The following THEMIS variants were observed in gnomAD, a reference collection of about 807,000 sequenced individuals.
THEMIS encodes protein THEMIS.
In THEMIS, 37 loss-of-function variants were observed where a neutral mutation model predicts 52.6. The observed-to-expected ratio is 0.70, with a 90% CI of 0.54 to 0.93. THEMIS has a LOEUF of 0.93. THEMIS is among the 40% of genes least tolerant of loss of function. THEMIS has a pLI of 0.00. For synonymous variants in THEMIS, 292 were observed against 272.7 expected (o/e 1.07, Z -0.70); for missense variants, 808 against 763.1 (o/e 1.06, Z -0.69).
chr6:127,721,896 G>C (rs1321103285), intron 4 of THEMIS, among the ~76,000 whole-genome samples: 1 of 151,956 alleles, frequency 6.6e-6, no homozygotes, highest in Non-Finnish European at 1.5e-5. Flanking sequence ...AAATTCAATT[G>C]AAAATATTAA....
Position 127,813,362 on chromosome 6 carries a change from G to A in THEMIS, c.1279C>T (p.Pro427Ser), listed in dbSNP as rs1777995993. 4 of 1,613,878 alleles carry A rather than the reference G, an allele frequency of 2.5e-6. No homozygotes were observed. The highest frequency in any genetic ancestry group is 1.7e-5 in the Admixed American group (1 of 59,960). ...ACAAAACCTCCTTCCATGTACAAAG[G>A]GAGCAGCGCAGCCTCATAGGACTTT... ...LKKSYEAALL[P>S]LYMEGGFVEV... The change falls in exon 4 of 6, where the codon CCT (proline) becomes TCT (serine). Residue 427 changes from proline (P) to serine (S), a missense_variant. Physicochemically the swap from Pro to Ser is moderately conservative, Grantham distance 74. Coordinates refer to ENST00000368248, the MANE Select transcript of THEMIS (RefSeq NM_001010923.3).
intron 1 of THEMIS, among the ~76,000 whole-genome samples, chr6:127,899,215 T>C (rs1385506391): frequency 6.6e-6 from 1 of 151,878 alleles, no homozygotes; most frequent in Non-Finnish European, 1.5e-5. Flanking sequence ...TATCAAAATA[T>C]CACATGTATC....
intron 4 of THEMIS, among the ~76,000 whole-genome samples, chr6:127,772,812 G>A (rs577234245): frequency 6.6e-6 from 1 of 152,136 alleles, no homozygotes; most frequent in Non-Finnish European, 1.5e-5. Flanking sequence ...AGAAATTCTG[G>A]TGGATAATTT....
chr6:127,787,296 A>ACC (rs935594776), intron 4 of THEMIS, among the ~76,000 whole-genome samples: 8 of 152,014 alleles, frequency 5.3e-5, no homozygotes, highest in Non-Finnish European at 1.0e-4. Flanking sequence ...ACACACACAC[A>ACC]AACACATGCA....
chr6:127,738,438 T>C (rs777809871), intron 4 of THEMIS, among the ~76,000 whole-genome samples: 2 of 152,180 alleles, frequency 1.3e-5, no homozygotes, highest in Non-Finnish European at 2.9e-5. Context: ...GAAAGTTCTA[T>C]CTTATTACAA....
intron 4 of THEMIS, among the ~76,000 whole-genome samples, chr6:127,808,591 A>G (rs1777796961): frequency 6.6e-6 from 1 of 152,224 alleles, no homozygotes; most frequent in South Asian, 2.1e-4. Context: ...TTTAGATTCC[A>G]TACATTATCC....
At chr6:127,764,698 T>C (rs1776134688) in intron 4 of THEMIS, among the ~76,000 whole-genome samples, 1 of 152,082 alleles carries the variant, frequency 6.6e-6, no homozygotes. Flanking sequence ...TTGGGTATTG[T>C]CCTCCCATTC....
intron 4 of THEMIS, among the ~76,000 whole-genome samples, chr6:127,788,901 G>C (rs1777065978): frequency 6.6e-6 from 1 of 152,098 alleles, no homozygotes. Context: ...GAAATTTATA[G>C]GACTAAATGC....
chr6:127,785,732 T>C (rs1353246417), intron 4 of THEMIS, among the ~76,000 whole-genome samples: 1 of 151,938 alleles, frequency 6.6e-6, no homozygotes, highest in African/African-American at 2.4e-5. Flanking sequence ...CAAAAAAACC[T>C]AAGAATATCT....
chr6:127,730,318 G>GAAAAGAAA (rs1456074763), intron 4 of THEMIS, among the ~76,000 whole-genome samples: 2 of 116,958 alleles, frequency 1.7e-5, no homozygotes, highest in Admixed American at 9.2e-5. Context: ...AAAGAAAAGA[G>GAAAAGAAA]AAAAAAAGAA....
Position 127,832,777 on chromosome 6 carries a change from C to CTTTTTTTTTTTTTTTTTTTTTTTTTTTTT in THEMIS, c.251-2844_251-2843insAAAAAAAAAAAAAAAAAAAAAAAAAAAAA, listed in dbSNP as rs11355741. Among the ~76,000 whole-genome samples, 3 of 57,796 alleles carry CTTTTTTTTTTTTTTTTTTTTTTTTTTTTT rather than the reference C, an allele frequency of 5.2e-5. 1 individual carries two copies. Among genetic ancestry groups the CTTTTTTTTTTTTTTTTTTTTTTTTTTTTT allele is most frequent in the African/African-American group, 1.5e-4 (2 of 13,092 alleles). The allele number at this position is 57,796 out of a possible 152,430, so 37.9% of individuals were successfully genotyped here. On this transcript the variant is annotated intron_variant, in intron 2 of 5. Transcript: ENST00000368248. Reference sequence around the variant, plus strand: ...CTATTTCCACCTAGGATTGTCAGATCTTTTTTTTTTTTTTTTTTTTTTTTG... The same window carrying CTTTTTTTTTTTTTTTTTTTTTTTTTTTTT: ...CTATTTCCACCTAGGATTGTCAGATCTTTTTTTTTTTTTTTTTTTTTTTTTTTTTTTTTTTTTTTTTTTTTTTTTTTTTG...
At chr6:127,733,513 C>T (rs1583211676) in intron 4 of THEMIS, among the ~76,000 whole-genome samples, 1 of 152,288 alleles carries the variant, frequency 6.6e-6, no homozygotes, top group Admixed American at 6.5e-5. Context: ...GGGGTTCCAG[C>T]CTCAGAGACA....
intron 2 of THEMIS, among the ~76,000 whole-genome samples, chr6:127,843,614 T>TCTTTAAAAGATATCTAG (rs1376497466): frequency 6.6e-5 from 10 of 152,128 alleles, no homozygotes; most frequent in Admixed American, 6.6e-4. Flanking sequence ...AAGATATCTG[T>TCTTTAAAAGATATCTAG]GCTAGGTAGC....
At position 127,787,836 on chromosome 6, in the gene THEMIS, TAG is replaced by T. The variant is rs147126333; in HGVS notation, c.1758+25045_1758+25046del. ...ATAGATAGATAGATAGATAGATAGA[TAG>T]AGATAGACAGATATAGATAGATAGA... On this transcript the variant is annotated intron_variant, in intron 4 of 5. Transcript: ENST00000368248. Among the ~76,000 whole-genome samples, 1,276 of 128,370 alleles carry T rather than the reference TAG, an allele frequency of 9.9e-3. 5 individuals carry two copies. Among genetic ancestry groups the T allele is most frequent in the Non-Finnish European group, 0.014 (797 of 58,748 alleles). 84.2% of individuals were successfully genotyped at this position (128,370 alleles called of 152,430 possible). A position where few individuals can be genotyped will look rare whatever the true frequency, so the allele number is the denominator to read the frequency against.
Position 127,708,262 on chromosome 6 carries a change from T to C in THEMIS, c.*1723A>G. 1 of 152,140 alleles carries C rather than the reference T, an allele frequency of 6.6e-6. No individual in the cohort carries two copies. The highest frequency in any genetic ancestry group is 1.9e-4 in the East Asian group (1 of 5,186). The allele number at this position is 152,140 out of a possible 1,614,324, so 9.4% of individuals were successfully genotyped here. ...TCCAATAGGTGAGCATGAAGTTTAT[T>C]ACACTTTTCAATATCAAGACAACTG... On this transcript the variant is annotated 3_prime_UTR_variant, in exon 6 of 6. Transcript: ENST00000368248.
chr6:127,890,369 G>A (rs1279695667), intron 1 of THEMIS, among the ~76,000 whole-genome samples: 1 of 152,098 alleles, frequency 6.6e-6, no homozygotes. Context: ...TTCATATGTG[G>A]TAGCTAAAAA....
At chr6:127,785,249 TATC>T (rs767112988) in intron 4 of THEMIS, among the ~76,000 whole-genome samples, 55 of 135,490 alleles carry the variant, frequency 4.1e-4, no homozygotes, top group South Asian at 8.9e-4. Context: ...TCTATCTATC[TATC>T]ATCTATCTAT....
chr6:127,856,247 A>C (rs559071452), intron 1 of THEMIS, among the ~76,000 whole-genome samples: 2 of 152,074 alleles, frequency 1.3e-5, no homozygotes, highest in South Asian at 4.1e-4. Context: ...CACCTAGAAC[A>C]TTTTTATGGT....
At chr6:127,805,940 C>T (rs189328810) in intron 4 of THEMIS, among the ~76,000 whole-genome samples, 1 of 151,800 alleles carries the variant, frequency 6.6e-6, no homozygotes, top group Non-Finnish European at 1.5e-5. Context: ...ATCTCCTCTA[C>T]TTTTCTTCAA....
Sources: gnomAD v4.1 joint callset for allele counts (sites outside exome capture counted in the v4.1 genomes callset) on GRCh38, gnomAD v4.1.1 for gene constraint, MANE v1.5 for transcripts, NCBI Gene and HGNC (gene_info 2026-07-23, HGNC 2026-07-21) for gene names.